The following SEMA5A variants were observed in gnomAD, a reference collection of about 807,000 sequenced individuals.
SEMA5A encodes semaphorin-5A.
In SEMA5A, 55 loss-of-function variants were observed where a neutral mutation model predicts 135.5. The observed-to-expected ratio is 0.41, with a 90% CI of 0.33 to 0.51. SEMA5A has a LOEUF of 0.51. Among genes scored for constraint, SEMA5A ranks in the 20% least tolerant of loss-of-function variants. SEMA5A has a pLI of 0.37. For missense variants in SEMA5A, 1,290 were observed against 1,419.9 expected, an observed-to-expected ratio of 0.91 and a Z score of 1.47; for synonymous variants, 580 against 546.5, an observed-to-expected ratio of 1.06 and a Z score of -0.85.
chr5:9,165,267 A>T (rs1342121394), intron 11 of SEMA5A, among the ~76,000 whole-genome samples: 2 of 152,210 alleles, frequency 1.3e-5, no homozygotes, highest in Non-Finnish European at 2.9e-5. Flanking sequence ...GATATATATA[A>T]AAATTCTTAT....
At chr5:9,068,726 C>G (rs1331439577) in intron 16 of SEMA5A, among the ~76,000 whole-genome samples, 1 of 152,062 alleles carries the variant, frequency 6.6e-6, no homozygotes, top group Non-Finnish European at 1.5e-5. Context: ...TTCCTAAGCT[C>G]TCTGAGGGGT....
At chr5:9,349,089 A>T (rs1754001236) in intron 3 of SEMA5A, among the ~76,000 whole-genome samples, 1 of 152,226 alleles carries the variant, frequency 6.6e-6, no homozygotes, top group African/African-American at 2.4e-5. Flanking sequence ...GGGAAGAAGA[A>T]AGCTGTGGAA....
At chr5:9,297,721 T>TA (rs1751410648) in intron 5 of SEMA5A, among the ~76,000 whole-genome samples, 1 of 4,052 alleles carries the variant, frequency 2.5e-4, no homozygotes, top group Non-Finnish European at 8.7e-4. Flanking sequence ...TGTCAAGCTA[T>TA]TTTTTTTTTT....
At chr5:9,409,147 C>G (rs969995667) in intron 2 of SEMA5A, among the ~76,000 whole-genome samples, 3 of 152,016 alleles carry the variant, frequency 2.0e-5, no homozygotes, top group Non-Finnish European at 4.4e-5. Flanking sequence ...ATCCCTTGGC[C>G]CCCTGGCTAA....
At chr5:9,517,490 G>C (rs542388892) in intron 1 of SEMA5A, 1 of 152,252 alleles carries the variant, frequency 6.6e-6, no homozygotes, top group South Asian at 2.1e-4. Flanking sequence ...AGAATCCCCA[G>C]GTCCTCTGTG....
At chr5:9,154,117 A>ATGTGTG (rs1742818582) in intron 12 of SEMA5A, among the ~76,000 whole-genome samples, 7 of 120,260 alleles carry the variant, frequency 5.8e-5, no homozygotes, top group Middle Eastern at 4.8e-3. Context: ...ATGTGTGTGT[A>ATGTGTG]TGTATGTATG....
chr5:9,294,606 T>C (rs1751242715), intron 5 of SEMA5A, among the ~76,000 whole-genome samples: 1 of 152,212 alleles, frequency 6.6e-6, no homozygotes, highest in South Asian at 2.1e-4. Flanking sequence ...TACTGAGCAC[T>C]CTACTTGCTT....
chr5:9,253,670 C>T (rs190148125), intron 5 of SEMA5A, among the ~76,000 whole-genome samples: 54 of 152,192 alleles, frequency 3.5e-4, no homozygotes, highest in African/African-American at 1.2e-3. Context: ...TATAGTGTTT[C>T]GTTATCCAAT....
intron 3 of SEMA5A, among the ~76,000 whole-genome samples, chr5:9,377,952 C>T (rs1442463462): frequency 6.6e-6 from 1 of 152,090 alleles, no homozygotes; most frequent in Non-Finnish European, 1.5e-5. Flanking sequence ...TCAAAGATGA[C>T]TTGGATGGAG....
rs373094268 is a variant in SEMA5A, at chr5:9,252,843, T to C, written c.271-14953A>G. Among the ~76,000 whole-genome samples the C allele has an allele frequency of 9.2e-5, 14 of 151,984 alleles. No homozygotes were observed. In the East Asian group the frequency reaches 2.7e-3, roughly 29 times the overall value. On this transcript the variant is annotated intron_variant, in intron 5 of 22. Transcript: ENST00000382496. ...TCAGAGCAGGGACACCCTGGGGAGG[T>C]GTGAAGAACCGTGGAAGAGATGAAG...
At chr5:9,458,865 C>A (rs1758948513) in intron 1 of SEMA5A, among the ~76,000 whole-genome samples, 1 of 152,206 alleles carries the variant, frequency 6.6e-6, no homozygotes, top group African/African-American at 2.4e-5. Flanking sequence ...GCACATTTTA[C>A]AATCAGATTT....
At chr5:9,430,687 G>A (rs992762874) in intron 2 of SEMA5A, among the ~76,000 whole-genome samples, 6 of 152,152 alleles carry the variant, frequency 3.9e-5, no homozygotes, top group Non-Finnish European at 7.3e-5. Context: ...ACTGAGCCTC[G>A]ACTGCTGGAT....
intron 1 of SEMA5A, among the ~76,000 whole-genome samples, chr5:9,459,047 CAATA>C: frequency 6.6e-6 from 1 of 152,180 alleles, no homozygotes; most frequent in South Asian, 2.1e-4. Flanking sequence ...ATGCCAGTGG[CAATA>C]AATAGTGTAC....
intron 1 of SEMA5A, among the ~76,000 whole-genome samples, chr5:9,451,230 C>T (rs945949739): frequency 3.9e-5 from 6 of 152,178 alleles, no homozygotes; most frequent in Non-Finnish European, 7.3e-5. Flanking sequence ...CTCACACATC[C>T]CGTCAGAGAA....
intron 8 of SEMA5A, among the ~76,000 whole-genome samples, chr5:9,214,720 A>G (rs559773729): frequency 3.4e-4 from 52 of 152,350 alleles, no homozygotes; most frequent in Non-Finnish European, 6.0e-4. Flanking sequence ...TGCTCTGCCC[A>G]CACATTCTGA....
At chr5:9,277,724 C>G (rs1307629229) in intron 5 of SEMA5A, among the ~76,000 whole-genome samples, 1 of 151,994 alleles carries the variant, frequency 6.6e-6, no homozygotes, top group Non-Finnish European at 1.5e-5. Flanking sequence ...AACAGAAAAC[C>G]AAACACCACA....
At chr5:9,313,199 C>T (rs2150652563) in intron 5 of SEMA5A, among the ~76,000 whole-genome samples, 1 of 152,128 alleles carries the variant, frequency 6.6e-6, no homozygotes, top group African/African-American at 2.4e-5. Context: ...AATGTCAAAG[C>T]AGGAGAAAAA....
intron 8 of SEMA5A, among the ~76,000 whole-genome samples, chr5:9,214,198 T>C (rs1441092839): frequency 6.6e-6 from 1 of 151,828 alleles, no homozygotes. Flanking sequence ...ACACCAAGCA[T>C]GCATGCGGGA....
intron 11 of SEMA5A, among the ~76,000 whole-genome samples, chr5:9,176,696 G>C (rs1365167924): frequency 6.6e-6 from 1 of 152,208 alleles, no homozygotes; most frequent in Non-Finnish European, 1.5e-5. Flanking sequence ...AGTTCTGGCA[G>C]AGGTGACCCA....
Sources: gnomAD v4.1 joint callset for allele counts (sites outside exome capture counted in the v4.1 genomes callset) on GRCh38, gnomAD v4.1.1 for gene constraint, MANE v1.5 for transcripts, NCBI Gene and HGNC (gene_info 2026-07-23, HGNC 2026-07-21) for gene names.